NXPH1: variants seen among roughly 807,000 people sequenced by gnomAD.
NXPH1 encodes neurexophilin-1.
In NXPH1, 5 loss-of-function variants were observed where a neutral mutation model predicts 23.7. The observed-to-expected ratio is 0.21, with a 90% CI of 0.11 to 0.44. The LOEUF (loss-of-function observed/expected upper bound fraction) is 0.44. NXPH1 is among the 20% of genes least tolerant of loss of function. The pLI, the probability that NXPH1 is intolerant of heterozygous loss-of-function variation, is 0.99. For missense variants in NXPH1, 324 were observed against 321.6 expected, an observed-to-expected ratio of 1.01 and a Z score of -0.06; for synonymous variants, 144 against 122.2, an observed-to-expected ratio of 1.18 and a Z score of -1.18.
At chr7:8,734,667 T>C (rs760258490) in intron 2 of NXPH1, among the ~76,000 whole-genome samples, 11 of 152,234 alleles carry the variant, frequency 7.2e-5, no homozygotes, top group Non-Finnish European at 1.5e-4. Flanking sequence ...ATGTATATTC[T>C]GTTGATTTGG....
intron 2 of NXPH1, among the ~76,000 whole-genome samples, chr7:8,551,445 G>T (rs1818273862): frequency 6.6e-6 from 1 of 151,378 alleles, no homozygotes; most frequent in South Asian, 2.1e-4. Context: ...GAGATATGTG[G>T]AAAGATTTAG....
chr7:8,469,895 A>G (rs1816846359), intron 2 of NXPH1, among the ~76,000 whole-genome samples: 1 of 152,182 alleles, frequency 6.6e-6, no homozygotes, highest in Admixed American at 6.5e-5. Flanking sequence ...CTTCAGTGAT[A>G]CTGGCTTGCT....
At chr7:8,683,293 T>C (rs545371392) in intron 2 of NXPH1, among the ~76,000 whole-genome samples, 2 of 152,202 alleles carry the variant, frequency 1.3e-5, no homozygotes, top group Non-Finnish European at 2.9e-5. Flanking sequence ...CCAACTCCAT[T>C]AGGCCTCACT....
chr7:8,515,493 C>T (rs1376552915), intron 2 of NXPH1, among the ~76,000 whole-genome samples: 1 of 152,048 alleles, frequency 6.6e-6, no homozygotes, highest in Non-Finnish European at 1.5e-5. Context: ...TATAAAAATG[C>T]TTCACATTCT....
intron 2 of NXPH1, among the ~76,000 whole-genome samples, chr7:8,578,455 C>T (rs1818795934): frequency 6.6e-6 from 1 of 152,186 alleles, no homozygotes; most frequent in Non-Finnish European, 1.5e-5. Flanking sequence ...ACAATTCGAG[C>T]TTTTCAGAAT....
In NXPH1 at chr7:8,435,486, C is replaced by T; in HGVS notation, c.-110-118C>T. 1.8e-6 allele frequency: 1 copy of T among 568,762 alleles called. No homozygotes were observed. Among genetic ancestry groups the T allele is most frequent in the Non-Finnish European group, 3.1e-6 (1 of 319,434 alleles). 35.2% of individuals were successfully genotyped at this position (568,762 alleles called of 1,614,324 possible). A position where few individuals can be genotyped will look rare whatever the true frequency, so the allele number is the denominator to read the frequency against. On this transcript the variant is annotated intron_variant, in intron 1 of 2. Transcript: ENST00000405863. The surrounding 1 kb of genome is among the most constrained non-coding windows in gnomAD (Gnocchi z 5.9). ...TTACTCGCTTTTCAATTTTTCGTAC[C>T]CTCCCTCCCTTTTTTTTTTGGTCCC...
At chr7:8,448,737 C>G (rs1232403911) in intron 2 of NXPH1, among the ~76,000 whole-genome samples, 1 of 149,086 alleles carries the variant, frequency 6.7e-6, no homozygotes, top group Non-Finnish European at 1.5e-5. Flanking sequence ...ATTGCTTGAA[C>G]CTGGGAGGGG....
At chr7:8,598,095 C>T (rs113532969) in intron 2 of NXPH1, among the ~76,000 whole-genome samples, 25 of 152,136 alleles carry the variant, frequency 1.6e-4, no homozygotes, top group South Asian at 4.1e-4. Context: ...GGGTTTGAAT[C>T]CTGCCCATGC....
intron 2 of NXPH1, among the ~76,000 whole-genome samples, chr7:8,615,122 A>AAAATGTACGAATTGTTTCTG (rs1819707963): frequency 6.6e-6 from 1 of 151,778 alleles, no homozygotes; most frequent in Admixed American, 6.6e-5. Context: ...AATTGTTTCT[A>AAAATGTACGAATTGTTTCTG]TTGGGGGAAA....
chr7:8,543,019 T>A (rs925288197), intron 2 of NXPH1, among the ~76,000 whole-genome samples: 3 of 151,640 alleles, frequency 2.0e-5, no homozygotes, highest in Non-Finnish European at 1.5e-5. Flanking sequence ...TCAGACAACA[T>A]TTAAATTGAA....
chr7:8,611,784 G>A (rs575428656), intron 2 of NXPH1, among the ~76,000 whole-genome samples: 2 of 152,216 alleles, frequency 1.3e-5, no homozygotes, highest in African/African-American at 2.4e-5. Flanking sequence ...GGTAGTAGGT[G>A]CATCTATCCA....
intron 2 of NXPH1, among the ~76,000 whole-genome samples, chr7:8,584,942 G>T (rs1343119433): frequency 3.3e-5 from 5 of 152,122 alleles, no homozygotes; most frequent in Admixed American, 6.5e-5. Flanking sequence ...TGGTAACCAG[G>T]ACTATCGATA....
intron 2 of NXPH1, among the ~76,000 whole-genome samples, chr7:8,745,506 G>A (rs570308450): frequency 6.7e-6 from 1 of 150,368 alleles, no homozygotes; most frequent in Admixed American, 6.6e-5. Context: ...AGAATAATAA[G>A]TTTTTTTTTC....
chr7:8,514,946 C>T (rs1365881952), intron 2 of NXPH1, among the ~76,000 whole-genome samples: 1 of 152,072 alleles, frequency 6.6e-6, no homozygotes, highest in African/African-American at 2.4e-5. Flanking sequence ...GCCCATATGT[C>T]TTCTGTCCCA....
chr7:8,445,316 T>A (rs1816381816), intron 2 of NXPH1, among the ~76,000 whole-genome samples: 1 of 152,188 alleles, frequency 6.6e-6, no homozygotes, highest in South Asian at 2.1e-4. Context: ...TAGCTTGTAC[T>A]AACTTAGAGG....
Position 8,718,610 on chromosome 7 carries a change from G to T in NXPH1, c.55-32398G>T, listed in dbSNP as rs115607856. Among the ~76,000 whole-genome samples the T allele has an allele frequency of 4.1e-3, 629 of 152,222 alleles. 8 individuals carry two copies. The highest frequency in any genetic ancestry group is 0.014 in the African/African-American group (601 of 41,512). ...ATCTTTCTCAAAATGTAAAACAGGG[G>T]GCAAGAGTTAATAGGATATTTTATA... On this transcript the variant is annotated intron_variant, in intron 2 of 2. Transcript: ENST00000405863.
At chr7:8,679,706 TA>T in intron 2 of NXPH1, among the ~76,000 whole-genome samples, 1 of 152,334 alleles carries the variant, frequency 6.6e-6, no homozygotes, top group Non-Finnish European at 1.5e-5. Context: ...CACCCAAGTC[TA>T]TTTGTTGCAC....
At chr7:8,695,667 A>G (rs1562457258) in intron 2 of NXPH1, among the ~76,000 whole-genome samples, 1 of 152,200 alleles carries the variant, frequency 6.6e-6, no homozygotes, top group Non-Finnish European at 1.5e-5. Flanking sequence ...CTTAACTTCT[A>G]ATATACTAAG....
chr7:8,560,614 G>C (rs980413248), intron 2 of NXPH1, among the ~76,000 whole-genome samples: 2 of 151,650 alleles, frequency 1.3e-5, no homozygotes, highest in East Asian at 3.9e-4. Flanking sequence ...TCAAGGAAGG[G>C]GGAGAGTGAG....
Sources: allele counts gnomAD v4.1 joint callset (sites outside exome capture counted in the v4.1 genomes callset), GRCh38; gene constraint gnomAD v4.1.1; non-coding constraint Gnocchi (gnomAD v3.1); transcripts MANE v1.5; gene names NCBI Gene and HGNC (gene_info 2026-07-23, HGNC 2026-07-21).